FAM234B: variants seen among roughly 807,000 people sequenced by gnomAD.
FAM234B encodes family with sequence similarity 234 member B, also known as protein FAM234B.
A neutral mutation model predicts 69.3 loss-of-function variants in FAM234B; 33 were observed. The ratio of observed to expected loss-of-function variants is 0.48; its 90% CI spans 0.36 to 0.64. The LOEUF (loss-of-function observed/expected upper bound fraction) is 0.64. Ranked by LOEUF, FAM234B falls within the 30% of genes least tolerant of loss-of-function variation. FAM234B has a pLI of 0.00. For missense variants in FAM234B, 697 were observed against 769.7 expected (o/e 0.91, Z 1.12); for synonymous variants, 306 against 306.9 (o/e 1.00, Z 0.03).
At position 13,083,361 on chromosome 12, in the gene FAM234B, A is replaced by G. The variant is rs915352962; in HGVS notation, c.*2731A>G. 2.0e-5 allele frequency: 3 copies of G among 152,488 alleles called. No individual in the cohort carries two copies. Among genetic ancestry groups the G allele is most frequent in the Non-Finnish European group, 4.4e-5 (3 of 68,020 alleles). The allele number at this position is 152,488 out of a possible 1,614,324, so 9.4% of individuals were successfully genotyped here. ...TGTGAATTGCTATCCTTATTGCCCT[A>G]TTAAAGAAGAGCCAGCTGGTATATT... is the stretch of plus-strand genomic sequence containing the variant. On this transcript the variant is annotated 3_prime_UTR_variant, in exon 13 of 13. Transcript: ENST00000197268.
chr12:13,068,336 C>A lies in FAM234B; in HGVS notation c.1175C>A (p.Ala392Glu). Residue 392 changes from alanine (A) to glutamate (E), a missense_variant, in exon 8 of 13, where the codon GCA (alanine) becomes GAA (glutamate). This residue lies in a region of FAM234B where 313 missense variants were observed against 305.5 expected (regional missense o/e 1.02). Coordinates refer to ENST00000197268, the MANE Select transcript of FAM234B (RefSeq NM_020853.2). ...GTTGAACTACTCCAGATGGTGAAGGCACCAGATTCCAACTGCAGCAACCTT... is the reference window on the plus strand; with the variant it reads ...GTTGAACTACTCCAGATGGTGAAGGAACCAGATTCCAACTGCAGCAACCTT... Reference protein sequence around the residue: ...DGVELLQMVKAPDSNCSNLLI... With the variant: ...DGVELLQMVKEPDSNCSNLLI... 1 of 1,614,188 alleles carries A rather than the reference C, an allele frequency of 6.2e-7. No individual in the cohort carries two copies. Among genetic ancestry groups the A allele is most frequent in the Non-Finnish European group, 8.5e-7 (1 of 1,180,024 alleles).
Position 13,061,641 on chromosome 12 carries a change from G to A in FAM234B, c.599G>A (p.Ser200Asn). ...ATGAATGGCAGCACACTGTGGTCTA[G>A]TCTTCTCCCTGAGGAGGCTCGAGAT... ...SGMNGSTLWS[S>N]LLPEEARDIT... The change falls in exon 4 of 13, where the codon AGT (serine) becomes AAT (asparagine). Residue 200 changes from serine to asparagine, a missense_variant. By Grantham distance (46) the Ser-to-Asn change is conservative (BLOSUM62 1). This residue lies in a region of FAM234B where 380 missense variants were observed against 447.1 expected (regional missense o/e 0.85). Transcript: ENST00000197268. 6.2e-7 allele frequency: 1 copy of A among 1,614,054 alleles called. No homozygotes were observed. Among genetic ancestry groups the A allele is most frequent in the Non-Finnish European group, 8.5e-7 (1 of 1,180,012 alleles).
chr12:13,067,087 T>C lies in FAM234B; in HGVS notation c.1001-68T>C. The stretch of plus-strand genomic sequence containing the variant: ...TCTGGTCAGGCTCTGTGTCTCTTGC[T>C]CAGATCCTCACCATGGGACAGTTCT... On this transcript the variant is annotated intron_variant, in intron 6 of 12. Transcript: ENST00000197268. The surrounding 1 kb of genome is among the most constrained non-coding windows in gnomAD (Gnocchi z 4.7). The C allele has an allele frequency of 6.3e-7, 1 of 1,577,892 alleles. No homozygotes were observed. Among genetic ancestry groups the C allele is most frequent in the Non-Finnish European group, 8.7e-7 (1 of 1,151,026 alleles).
chr12:13,055,375 C>G (rs1864917084), intron 1 of FAM234B, among the ~76,000 whole-genome samples, 176 bp from the exon 2 acceptor site: 1 of 152,206 alleles, frequency 6.6e-6, no homozygotes, highest in Admixed American at 6.5e-5. Flanking sequence ...CCATTCCTAA[C>G]CCCTGCTTCA....
chr12:13,069,959 T>TGTATAGTAG (rs1246522950), intron 9 of FAM234B, among the ~76,000 whole-genome samples: 1 of 151,768 alleles, frequency 6.6e-6, no homozygotes, highest in Non-Finnish European at 1.5e-5. Flanking sequence ...GGAAGAAAGG[T>TGTATAGTAG]GTATAGTAGG....
Position 13,083,364 on chromosome 12 carries a change from A to G in FAM234B, c.*2734A>G, listed in dbSNP as rs1434323890. 2.0e-5 allele frequency: 3 copies of G among 152,510 alleles called. No individual in the cohort carries two copies. Among genetic ancestry groups the G allele is most frequent in the East Asian group, 1.9e-4 (1 of 5,176 alleles). The allele number at this position is 152,510 out of a possible 1,614,324, so 9.4% of individuals were successfully genotyped here. A position where few individuals can be genotyped will look rare whatever the true frequency, so the allele number is the denominator to read the frequency against. On this transcript the variant is annotated 3_prime_UTR_variant, in exon 13 of 13. Transcript: ENST00000197268. ...GAATTGCTATCCTTATTGCCCTATT[A>G]AAGAAGAGCCAGCTGGTATATTGTC...
chr12:13,068,225 TGA>T, intron 7 of FAM234B, 77 bp from the exon 8 acceptor site: 2 of 1,484,240 alleles, frequency 1.3e-6, no homozygotes, highest in Non-Finnish European at 1.9e-6. Context: ...GTACGTATAC[TGA>T]GAGAAAAAGC....
intron 3 of FAM234B, among the ~76,000 whole-genome samples, chr12:13,060,053 TA>T (rs755135069): frequency 6.6e-6 from 1 of 152,346 alleles, no homozygotes; most frequent in East Asian, 1.9e-4. Context: ...TGAAGGAATT[TA>T]TCCTTCCACA....
chr12:13,049,316 G>T (rs1037336124), intron 1 of FAM234B, among the ~76,000 whole-genome samples: 8 of 152,196 alleles, frequency 5.3e-5, no homozygotes, highest in African/African-American at 1.9e-4. Flanking sequence ...AGTAGCTGGG[G>T]TTACAGGCGC....
Position 13,075,743 on chromosome 12 carries a change from A to G in FAM234B, c.1525-283A>G, listed in dbSNP as rs1275627348. On this transcript the variant is annotated intron_variant, in intron 10 of 12. Transcript: ENST00000197268. Reference sequence around the variant, plus strand: ...AGTGCTGGGATTACAGGCATGAGCCACCGCACCAGGCCTGCCTTCCTTTTT... The same window carrying G: ...AGTGCTGGGATTACAGGCATGAGCCGCCGCACCAGGCCTGCCTTCCTTTTT... 2.0e-5 allele frequency among the ~76,000 whole-genome samples: 3 copies of G among 151,312 alleles called. No homozygotes were observed. In the East Asian group the frequency reaches 5.8e-4, roughly 29 times the overall value.
chr12:13,070,189 ATATATATAT>A (rs1865089517), intron 9 of FAM234B, among the ~76,000 whole-genome samples: 2 of 91,468 alleles, frequency 2.2e-5, no homozygotes, highest in Non-Finnish European at 4.0e-5. Context: ...ATATATATAT[ATATATATAT>A]ATATATATAT....
At chr12:13,074,910 G>A (rs1865143715) in intron 10 of FAM234B, among the ~76,000 whole-genome samples, 1 of 152,126 alleles carries the variant, frequency 6.6e-6, no homozygotes, top group Non-Finnish European at 1.5e-5. Flanking sequence ...TTCCTCTACT[G>A]CAGGAGGCCC....
chr12:13,056,324 C>T (rs1376823423), intron 2 of FAM234B, among the ~76,000 whole-genome samples: 2 of 152,176 alleles, frequency 1.3e-5, no homozygotes, highest in Non-Finnish European at 2.9e-5. Flanking sequence ...TTGCAGAACC[C>T]TTTGACATTC....
chr12:13,066,887 G>C, intron 6 of FAM234B, 100 bp downstream of exon 6: 1 of 1,344,994 alleles, frequency 7.4e-7, no homozygotes, highest in Non-Finnish European at 1.0e-6. Flanking sequence ...CCTGACACCA[G>C]CCTTCCCATA....
At chr12:13,074,650 G>C (rs974368890) in intron 10 of FAM234B, among the ~76,000 whole-genome samples, 2 of 152,200 alleles carry the variant, frequency 1.3e-5, no homozygotes, top group Non-Finnish European at 2.9e-5. Flanking sequence ...GACTGCTAAG[G>C]AATTTGTGCT....
At chr12:13,056,024 C>T (rs1011596385) in intron 2 of FAM234B, 78 bp downstream of exon 2, 31 of 1,394,260 alleles carry the variant, frequency 2.2e-5, no homozygotes, top group Non-Finnish European at 2.7e-5. Flanking sequence ...TCCTCCAAAT[C>T]TTAAAACTTA....
At chr12:13,045,639 T>C (rs1181464371) in intron 1 of FAM234B, among the ~76,000 whole-genome samples, 1 of 152,196 alleles carries the variant, frequency 6.6e-6, no homozygotes, top group East Asian at 1.9e-4. Context: ...TTTTTTAATA[T>C]GGGCTCATTG....
At chr12:13,073,124 T>G (rs1364785406) in intron 10 of FAM234B, among the ~76,000 whole-genome samples, 2 of 152,120 alleles carry the variant, frequency 1.3e-5, no homozygotes, top group African/African-American at 4.8e-5. Context: ...CACTCTCATT[T>G]TAAGCAGATG....
Position 13,067,629 on chromosome 12 carries a change from T to C in FAM234B, c.1142+333T>C, listed in dbSNP as rs1436098125. Among the ~76,000 whole-genome samples, 2 of 152,240 alleles carry C rather than the reference T, an allele frequency of 1.3e-5. No homozygotes were observed. Among genetic ancestry groups the C allele is most frequent in the Non-Finnish European group, 2.9e-5 (2 of 68,040 alleles). On this transcript the variant is annotated intron_variant, in intron 7 of 12. Coordinates refer to ENST00000197268, the MANE Select transcript of FAM234B (RefSeq NM_020853.2). This position sits in a 1 kb window ranked among gnomAD's most constrained non-coding sequence, Gnocchi z 4.7. ...AACTGTGCTGAAGGATCTGACCTAC[T>C]CTTTTCTGTATTTTTCTCTTAGTTG...
Sources: gnomAD v4.1 joint callset for allele counts (sites outside exome capture counted in the v4.1 genomes callset) on GRCh38, gnomAD v4.1.1 for gene constraint, gnomAD v4.1.1 regional missense constraint, Gnocchi (gnomAD v3.1) non-coding constraint, MANE v1.5 for transcripts, NCBI Gene and HGNC (gene_info 2026-07-23, HGNC 2026-07-21) for gene names.